Variants in RNASE10 observed in about 807,000 individuals in gnomAD.
The protein encoded by RNASE10 is ribonuclease A family member 10 (inactive).
RNASE10 carries 2 observed loss-of-function variants against 1.1 expected under a neutral mutation model. The ratio of observed to expected loss-of-function variants is 1.82; its 90% confidence interval spans 0.74 to 5.73. RNASE10 has a LOEUF of 5.73. Ranked by LOEUF, RNASE10 falls within the 30% of genes most tolerant of loss-of-function variation. The probability of loss-of-function intolerance (pLI) is 0.05; values close to 1 mark genes in which losing one functional copy is unlikely to be tolerated. For missense variants in RNASE10, 276 were observed against 263.4 expected (o/e 1.05, Z -0.33); for synonymous variants, 97 against 96.2 (o/e 1.01, Z -0.05).
At chr14:20,506,681 C>T (rs1882734129) in intron 1 of RNASE10, among the ~76,000 whole-genome samples, 3 of 111,686 alleles carry the variant, frequency 2.7e-5, no homozygotes, top group African/African-American at 1.2e-4. Flanking sequence ...GTCAGCCCCC[C>T]GCCCGGCCAG....
At chr14:20,510,810 C>T in exon 2 of RNASE10, 8 of 1,614,136 alleles carry the variant, frequency 5.0e-6, no homozygotes, top group Non-Finnish European at 6.8e-6. Flanking sequence ...TTAGGCTTGA[C>T]CAGACAGATA....
At chr14:20,504,793 AG>A (rs1460610509), upstream of RNASE10, among the ~76,000 whole-genome samples, 1 of 151,078 alleles carries the variant, frequency 6.6e-6, no homozygotes, top group Non-Finnish European at 1.5e-5. Flanking sequence ...TTACAGGGAA[AG>A]TAATGCACGT....
intron 1 of RNASE10, among the ~76,000 whole-genome samples, chr14:20,507,585 G>T (rs867346656): frequency 1.2e-4 from 16 of 134,224 alleles, no homozygotes; most frequent in African/African-American, 3.3e-4. Context: ...ATCCCCCTCT[G>T]CGAGAAACAC....
At chr14:20,506,214 G>T (rs1882708904) in intron 1 of RNASE10, among the ~76,000 whole-genome samples, 195 bp downstream of exon 1, 1 of 116,122 alleles carries the variant, frequency 8.6e-6, no homozygotes, top group Non-Finnish European at 1.8e-5. Context: ...CCGGCCAGCC[G>T]CCCCGTCCGG....
downstream of RNASE10, among the ~76,000 whole-genome samples, chr14:20,511,991 T>C (rs1882910441): frequency 6.6e-6 from 1 of 151,980 alleles, no homozygotes; most frequent in South Asian, 2.1e-4. Flanking sequence ...GTTCGTCCTA[T>C]AGTCAGAGTC....
Position 20,510,600 on chromosome 14 carries a change from A to T in RNASE10, c.213A>T (p.Glu71Asp). Residue 71 changes from glutamate to aspartate, a missense_variant, in exon 2 of 2, where the codon GAA (glutamate) becomes GAT (aspartate). Physicochemically the swap from Glu to Asp is conservative, Grantham distance 45. Coordinates refer to ENST00000430083, the Ensembl canonical transcript of RNASE10. Reference sequence around the variant, plus strand: ...AGGAGAGTGATCAACCGCTCAATGAATTTTGGTCCAGTGACTCACAGGACA... The same window carrying T: ...AGGAGAGTGATCAACCGCTCAATGATTTTTGGTCCAGTGACTCACAGGACA... The T allele has an allele frequency of 2.5e-6, 4 of 1,614,134 alleles. No individual in the cohort carries two copies. The South Asian group carries it at 4.4e-5, about 18-fold the overall frequency.
intron 1 of RNASE10, among the ~76,000 whole-genome samples, chr14:20,507,965 G>C (rs1882793679): frequency 6.6e-6 from 1 of 151,990 alleles, no homozygotes. Flanking sequence ...GCCCAGGCTG[G>C]TCTCAAACTC....
intron 1 of RNASE10, among the ~76,000 whole-genome samples, chr14:20,509,941 C>A (rs541796214): frequency 8.6e-6 from 1 of 116,408 alleles, no homozygotes; most frequent in Non-Finnish European, 1.7e-5. Context: ...GGCAACATAG[C>A]GAGACTCGTC....
intron 1 of RNASE10, among the ~76,000 whole-genome samples, chr14:20,507,087 C>T (rs1337757513): frequency 2.7e-5 from 4 of 150,368 alleles, no homozygotes; most frequent in Non-Finnish European, 4.4e-5. Context: ...GCCCCTCTGC[C>T]CGGCCAGGAC....
intron 1 of RNASE10, among the ~76,000 whole-genome samples, chr14:20,506,441 G>T (rs1374696454): frequency 7.6e-6 from 1 of 131,678 alleles, no homozygotes; most frequent in African/African-American, 3.0e-5. Context: ...GAGGGGGGAG[G>T]GGGGGTCAGC....
intron 1 of RNASE10, among the ~76,000 whole-genome samples, chr14:20,506,342 G>C (rs1392013303): frequency 1.6e-5 from 2 of 122,550 alleles, no homozygotes; most frequent in African/African-American, 6.6e-5. Flanking sequence ...CCGGCCAGCC[G>C]CCCAGTCCGG....
At chr14:20,510,108 G>C (rs1240740444) in intron 1 of RNASE10, among the ~76,000 whole-genome samples, 1 of 146,420 alleles carries the variant, frequency 6.8e-6, no homozygotes, top group Non-Finnish European at 1.5e-5. Context: ...GACAGAGCAA[G>C]ATCCTGTCTC....
In RNASE10 at chr14:20,510,580, A is replaced by G. The variant is rs759423269; in HGVS notation, c.193A>G (p.Ser65Gly). ...TATGGCTACAGCAGTCTTGGAGGAG[A>G]GTGATCAACCGCTCAATGAATTTTG... Residue 65 changes from serine (S) to glycine (G), a missense_variant, in exon 2 of 2, where the codon AGT becomes GGT. Physicochemically the swap from Ser to Gly is moderately conservative, Grantham distance 56 (BLOSUM62 0). Transcript: ENST00000430083. The G allele has an allele frequency of 3.1e-6, 5 of 1,614,054 alleles. No individual in the cohort carries two copies. In the South Asian group the frequency reaches 5.5e-5, roughly 18 times the overall value.
At chr14:20,506,418 C>T (rs1882719597) in intron 1 of RNASE10, among the ~76,000 whole-genome samples, 1 of 130,158 alleles carries the variant, frequency 7.7e-6, no homozygotes. Context: ...GCCCGGCCAG[C>T]CGTCCCGTCC....
chr14:20,509,376 C>A (rs1882837843), intron 1 of RNASE10, among the ~76,000 whole-genome samples: 1 of 152,194 alleles, frequency 6.6e-6, no homozygotes, highest in Non-Finnish European at 1.5e-5. Context: ...GTAGGGGAAC[C>A]CCCAGCAGGT....
intron 1 of RNASE10, among the ~76,000 whole-genome samples, chr14:20,508,300 G>A (rs755017228): frequency 1.8e-4 from 28 of 152,212 alleles, no homozygotes; most frequent in Non-Finnish European, 3.4e-4. Context: ...GTTACCCATG[G>A]TCAACGACGG....
chr14:20,506,934 G>A (rs547463631), intron 1 of RNASE10, among the ~76,000 whole-genome samples: 1 of 140,146 alleles, frequency 7.1e-6, no homozygotes, highest in African/African-American at 2.9e-5. Context: ...CGTCCGGGAG[G>A]GGGGAGGGGG....
chr14:20,509,953 CAAAAA>C (rs375096247), intron 1 of RNASE10, among the ~76,000 whole-genome samples: 1 of 121,576 alleles, frequency 8.2e-6, no homozygotes, highest in African/African-American at 3.3e-5. Flanking sequence ...AGACTCGTCT[CAAAAA>C]AAAAAAAAAA....
chr14:20,507,356 G>C (rs965508574), intron 1 of RNASE10, among the ~76,000 whole-genome samples: 1 of 132,700 alleles, frequency 7.5e-6, no homozygotes, highest in African/African-American at 3.0e-5. Flanking sequence ...TGTCCACTCA[G>C]GGTTAAATGG....
Sources: allele counts gnomAD v4.1 joint callset (sites outside exome capture counted in the v4.1 genomes callset), GRCh38; gene constraint gnomAD v4.1.1; transcripts MANE v1.5; gene names NCBI Gene and HGNC (gene_info 2026-07-23, HGNC 2026-07-21).